The following SUGCT variants were observed in gnomAD, a reference collection of about 807,000 sequenced individuals.
SUGCT encodes the protein succinyl-CoA:glutarate CoA-transferase.
SUGCT carries 41 observed loss-of-function variants against 55.0 expected under a neutral mutation model. That is an observed-to-expected ratio of 0.74 (90% CI 0.58 to 0.97). The LOEUF (loss-of-function observed/expected upper bound fraction) is 0.97, where lower values mean the gene tolerates loss of function less well. SUGCT is among the 50% of genes least tolerant of loss of function. The probability of loss-of-function intolerance (pLI) is 0.00; values close to 1 mark genes in which losing one functional copy is unlikely to be tolerated. For synonymous variants in SUGCT, 187 were observed against 200.4 expected, an observed-to-expected ratio of 0.93 and a Z score of 0.56; for missense variants, 568 against 547.8, an observed-to-expected ratio of 1.04 and a Z score of -0.37.
At chr7:40,358,094 T>A (rs1201525290) in intron 9 of SUGCT, among the ~76,000 whole-genome samples, 2 of 152,258 alleles carry the variant, frequency 1.3e-5, no homozygotes, top group African/African-American at 4.8e-5. Flanking sequence ...AGAAAACTTC[T>A]GGCACATAAT....
Position 40,164,479 on chromosome 7 carries a change from A to AT in SUGCT, c.101-16459dup, listed in dbSNP as rs962421861. Among the ~76,000 whole-genome samples, 12 of 151,230 alleles carry AT rather than the reference A, an allele frequency of 7.9e-5. No individual in the cohort carries two copies. The East Asian group carries it at 1.2e-3, about 15-fold the overall frequency. On this transcript the variant is annotated intron_variant, in intron 1 of 13. Transcript: ENST00000335693. ...TGGAAATTAATTGCAAAAGTTGAGGATTTTTTTTTCTGTTTTTGTTGTGTC... is the reference window on the plus strand; with the variant it reads ...TGGAAATTAATTGCAAAAGTTGAGGATTTTTTTTTTCTGTTTTTGTTGTGTC...
rs1271100902 is a variant in SUGCT at position 40,439,049 on chromosome 7, TG to T, written c.817-10236del. Among the ~76,000 whole-genome samples, 56 of 125,290 alleles carry T rather than the reference TG, an allele frequency of 4.5e-4. 2 individuals carry two copies. The East Asian group carries it at 0.011, about 25-fold the overall frequency. 82.2% of individuals were successfully genotyped at this position (125,290 alleles called of 152,430 possible). On this transcript the variant is annotated intron_variant, in intron 9 of 13. Transcript: ENST00000335693. ...ATATATAATATGGTATATATATATA[TG>T]GTATATATATGGTGTATATATATAT...
At chr7:40,471,543 C>T (rs1314545858) in intron 11 of SUGCT, among the ~76,000 whole-genome samples, 1 of 151,904 alleles carries the variant, frequency 6.6e-6, no homozygotes, top group Non-Finnish European at 1.5e-5. Context: ...ATGGGGCTTA[C>T]ATACAAAAAA....
At chr7:40,749,346 G>A in intron 12 of SUGCT, 88 bp from the exon 13 acceptor site, 1 of 997,164 alleles carries the variant, frequency 1.0e-6, no homozygotes. Context: ...TTTCTTTGAT[G>A]TCGACTGAAT....
chr7:40,219,936 C>T (rs1787930105), intron 6 of SUGCT, among the ~76,000 whole-genome samples: 2 of 152,022 alleles, frequency 1.3e-5, no homozygotes, highest in South Asian at 2.1e-4. Flanking sequence ...AGGAAGTTTA[C>T]CCTAATTGCT....
At chr7:40,678,379 G>A (rs1170538967) in intron 12 of SUGCT, among the ~76,000 whole-genome samples, 1 of 152,120 alleles carries the variant, frequency 6.6e-6, no homozygotes. Context: ...GTGAATATAT[G>A]ATGAAGGAAG....
At chr7:40,609,050 A>G (rs1195989236) in intron 12 of SUGCT, among the ~76,000 whole-genome samples, 1 of 152,166 alleles carries the variant, frequency 6.6e-6, no homozygotes, top group Non-Finnish European at 1.5e-5. Context: ...GTATGCTAGG[A>G]ATAACATGAG....
At chr7:40,475,900 A>G (rs373908565) in intron 11 of SUGCT, among the ~76,000 whole-genome samples, 1 of 152,106 alleles carries the variant, frequency 6.6e-6, no homozygotes, top group African/African-American at 2.4e-5. Context: ...CTATCAATCC[A>G]TCAATTGATT....
the SUGCT span, among the ~76,000 whole-genome samples, chr7:40,914,078 T>C: frequency 6.6e-6 from 1 of 151,774 alleles, no homozygotes; most frequent in African/African-American, 2.4e-5. Context: ...TTTTTTAGCT[T>C]ACTCTTGAGT....
Position 40,841,658 on chromosome 7 carries a change from A to T in SUGCT, c.1154-18658A>T, listed in dbSNP as rs564024998. 5.9e-5 allele frequency among the ~76,000 whole-genome samples: 9 copies of T among 152,344 alleles called. No homozygotes were observed. In the East Asian group the frequency reaches 1.7e-3, roughly 29 times the overall value. ...TAGTTTCATTTATTTATAAGAAATG[A>T]TACATTTCATATTTTTCATTACCTA... On this transcript the variant is annotated intron_variant, in intron 13 of 13. Transcript: ENST00000335693.
At chr7:40,879,938 T>C in the SUGCT span, among the ~76,000 whole-genome samples, 3 of 152,150 alleles carry the variant, frequency 2.0e-5, no homozygotes, top group Non-Finnish European at 2.9e-5. Flanking sequence ...TTACCTGCCA[T>C]TGGTCAAAGC....
the SUGCT span, among the ~76,000 whole-genome samples, chr7:40,986,397 T>C: frequency 2.6e-5 from 4 of 152,196 alleles, no homozygotes; most frequent in African/African-American, 2.4e-5. Context: ...AGTGTTGAGA[T>C]GGGGAAATAC....
At position 40,281,191 on chromosome 7, in the gene SUGCT, G is replaced by A. The variant is rs114939383; in HGVS notation, c.720+6535G>A. Reference sequence around the variant, plus strand: ...GTGGGTCTTAAGCATTGTGCCTACTGTGCATAATTGATAGATCAGCTCTAG... The same window carrying A: ...GTGGGTCTTAAGCATTGTGCCTACTATGCATAATTGATAGATCAGCTCTAG... On this transcript the variant is annotated intron_variant, in intron 8 of 13. Coordinates refer to ENST00000335693, the MANE Select transcript of SUGCT (RefSeq NM_001193313.2). Among the ~76,000 whole-genome samples, 123 of 152,160 alleles carry A rather than the reference G, an allele frequency of 8.1e-4. 1 individual carries two copies. The highest frequency in any genetic ancestry group is 2.8e-3 in the African/African-American group (116 of 41,514).
At chr7:40,961,785 C>G in the SUGCT span, among the ~76,000 whole-genome samples, 1 of 152,006 alleles carries the variant, frequency 6.6e-6, no homozygotes, top group Middle Eastern at 3.2e-3. Context: ...AAGCTGCAGA[C>G]CTTCACAGTG....
intron 9 of SUGCT, among the ~76,000 whole-genome samples, chr7:40,338,228 T>C (rs1796827821): frequency 1.3e-5 from 2 of 152,198 alleles, no homozygotes; most frequent in Admixed American, 6.6e-5. Context: ...TTATGTGTCT[T>C]GGAGTGCTTT....
chr7:40,527,275 A>G (rs1256286005), intron 12 of SUGCT, among the ~76,000 whole-genome samples: 2 of 152,228 alleles, frequency 1.3e-5, no homozygotes, highest in Non-Finnish European at 2.9e-5. Context: ...GTGTGGAAAC[A>G]CCACTCATTA....
chr7:40,855,841 A>G (rs1026145719), intron 13 of SUGCT, among the ~76,000 whole-genome samples: 6 of 152,222 alleles, frequency 3.9e-5, no homozygotes, highest in Admixed American at 2.0e-4. Context: ...ACAAAAATCC[A>G]TATTAAAAAT....
At chr7:40,417,749 A>T (rs1172583082) in intron 9 of SUGCT, among the ~76,000 whole-genome samples, 1 of 151,370 alleles carries the variant, frequency 6.6e-6, no homozygotes. Flanking sequence ...ATATTATTAA[A>T]TTTTTTCATG....
intron 1 of SUGCT, among the ~76,000 whole-genome samples, chr7:40,176,465 G>A (rs1230470461): frequency 2.0e-5 from 3 of 151,988 alleles, no homozygotes; most frequent in Non-Finnish European, 2.9e-5. Flanking sequence ...TAAAATCAAA[G>A]TTTTAGGTAT....
Sources: gnomAD v4.1 joint callset for allele counts (sites outside exome capture counted in the v4.1 genomes callset) on GRCh38, gnomAD v4.1.1 for gene constraint, MANE v1.5 for transcripts, NCBI Gene and HGNC (gene_info 2026-07-23, HGNC 2026-07-21) for gene names.